DCC: variants seen among roughly 807,000 people sequenced by gnomAD.
The protein encoded by DCC is netrin receptor DCC.
A neutral mutation model predicts 172.5 loss-of-function variants in DCC; 58 were observed. The observed-to-expected ratio is 0.34, with a 90% CI of 0.27 to 0.42. The LOEUF (loss-of-function observed/expected upper bound fraction) is 0.42. Among genes scored for constraint, DCC ranks in the 10% least tolerant of loss-of-function variants. DCC has a pLI of 1.00. For missense variants in DCC, 1,740 were observed against 1,791.0 expected, an observed-to-expected ratio of 0.97 and a Z score of 0.51; for synonymous variants, 709 against 644.5, an observed-to-expected ratio of 1.10 and a Z score of -1.52.
At chr18:53,299,269 C>T (rs556192251) in intron 12 of DCC, among the ~76,000 whole-genome samples, 1 of 152,244 alleles carries the variant, frequency 6.6e-6, no homozygotes, top group African/African-American at 2.4e-5. Context: ...TAGCCAAATG[C>T]CTTAAATGAA....
At chr18:52,915,814 A>G (rs1475476613) in intron 3 of DCC, among the ~76,000 whole-genome samples, 1 of 152,112 alleles carries the variant, frequency 6.6e-6, no homozygotes, top group Non-Finnish European at 1.5e-5. Context: ...TATTTGAGAG[A>G]TACAAAACCA....
At chr18:52,698,108 G>A (rs2036043173) in intron 1 of DCC, among the ~76,000 whole-genome samples, 1 of 152,152 alleles carries the variant, frequency 6.6e-6, no homozygotes, top group Non-Finnish European at 1.5e-5. Context: ...TTGGATAAAT[G>A]ATTCCTTTTA....
chr18:52,508,280 T>C (rs959081462), intron 1 of DCC, among the ~76,000 whole-genome samples: 3 of 152,278 alleles, frequency 2.0e-5, no homozygotes, highest in African/African-American at 7.2e-5. Flanking sequence ...TTTAGTGTAG[T>C]TATAGATGTA....
chr18:52,345,585 T>C (rs1311857693), intron 1 of DCC, among the ~76,000 whole-genome samples: 1 of 152,168 alleles, frequency 6.6e-6, no homozygotes, highest in Non-Finnish European at 1.5e-5. Flanking sequence ...TTCAGCTCGT[T>C]TCTAAGGAAT....
In DCC at chr18:53,391,663, G is replaced by T; in HGVS notation, c.2464G>T (p.Asp822Tyr). Residue 822 changes from aspartate (D) to tyrosine (Y), a missense_variant, in exon 17 of 29, where the codon GAC becomes TAC. This residue lies in a region of DCC where 1,732 missense variants were observed against 1,767.4 expected (regional missense o/e 0.98). Coordinates refer to ENST00000442544, the MANE Select transcript of DCC (RefSeq NM_005215.4). ...TGGGTTTTTAAACCCAGATCCCACT[G>T]ACCCAGTTGATTATTATCCTTTGCT... is the stretch of plus-strand genomic sequence containing the variant. ...ATTRSITDPT[D>Y]PVDYYPLLDD... 2.5e-6 allele frequency: 4 copies of T among 1,612,568 alleles called. No individual in the cohort carries two copies. The highest frequency in any genetic ancestry group is 3.4e-6 in the Non-Finnish European group (4 of 1,178,768).
intron 1 of DCC, among the ~76,000 whole-genome samples, chr18:52,469,485 T>G (rs1988885354): frequency 6.6e-6 from 1 of 152,176 alleles, no homozygotes; most frequent in African/African-American, 2.4e-5. Flanking sequence ...TGTTTGAATA[T>G]TTGAATATAC....
chr18:53,275,347 T>C (rs865863120), intron 12 of DCC, among the ~76,000 whole-genome samples: 1 of 152,080 alleles, frequency 6.6e-6, no homozygotes, highest in Non-Finnish European at 1.5e-5. Context: ...CTTCTCTCAG[T>C]CATCACTGCA....
At chr18:53,134,751 C>T (rs1380393570) in intron 7 of DCC, among the ~76,000 whole-genome samples, 1 of 152,134 alleles carries the variant, frequency 6.6e-6, no homozygotes, top group Non-Finnish European at 1.5e-5. Context: ...TTTGTCCATT[C>T]ACTTGTACCT....
intron 1 of DCC, among the ~76,000 whole-genome samples, chr18:52,576,272 T>G (rs1212539450): frequency 6.6e-6 from 1 of 152,236 alleles, no homozygotes; most frequent in Non-Finnish European, 1.5e-5. Flanking sequence ...AAACTGGGAA[T>G]GGCTCTGTAC....
intron 7 of DCC, among the ~76,000 whole-genome samples, chr18:53,155,404 G>A (rs2054714173): frequency 6.6e-6 from 1 of 152,158 alleles, no homozygotes; most frequent in Non-Finnish European, 1.5e-5. Flanking sequence ...CTGTCGAGAT[G>A]AAACACGTAT....
intron 1 of DCC, among the ~76,000 whole-genome samples, chr18:52,407,329 C>T (rs190343632): frequency 6.6e-6 from 1 of 151,932 alleles, no homozygotes; most frequent in Non-Finnish European, 1.5e-5. Context: ...AACAGTAAAA[C>T]AAAAGATGAA....
intron 1 of DCC, among the ~76,000 whole-genome samples, chr18:52,615,430 A>G (rs2034361502): frequency 6.6e-6 from 1 of 152,198 alleles, no homozygotes; most frequent in African/African-American, 2.4e-5. Flanking sequence ...GAGATGTTAC[A>G]TGGAAAGAAT....
chr18:52,856,760 A>T (rs2039062803), intron 2 of DCC, among the ~76,000 whole-genome samples: 3 of 152,136 alleles, frequency 2.0e-5, no homozygotes, highest in Admixed American at 6.5e-5. Flanking sequence ...GTTTTTTGAA[A>T]AGCATGTTAA....
intron 2 of DCC, among the ~76,000 whole-genome samples, chr18:52,847,337 A>G (rs2145332177): frequency 6.6e-6 from 1 of 152,370 alleles, no homozygotes; most frequent in African/African-American, 2.4e-5. Flanking sequence ...GTGTTGGAGT[A>G]GAATCTGGAA....
At chr18:52,786,031 GCTA>G (rs1397876833) in intron 2 of DCC, among the ~76,000 whole-genome samples, 2 of 152,096 alleles carry the variant, frequency 1.3e-5, no homozygotes, top group Non-Finnish European at 2.9e-5. Context: ...GTTAGAAGGT[GCTA>G]CTGTTTATAG....
chr18:52,703,571 G>A (rs1361317961), intron 1 of DCC, among the ~76,000 whole-genome samples: 2 of 152,058 alleles, frequency 1.3e-5, no homozygotes, highest in East Asian at 1.9e-4. Flanking sequence ...TGAACAGCGA[G>A]GAAAAGTAAA....
At position 53,229,594 on chromosome 18, in the gene DCC, C is replaced by T. The variant is rs142355153; in HGVS notation, c.1911+13997C>T. Among the ~76,000 whole-genome samples, 125 of 152,098 alleles carry T rather than the reference C, an allele frequency of 8.2e-4. 1 individual carries two copies. Among genetic ancestry groups the T allele is most frequent in the Admixed American group, 1.2e-3 (18 of 15,266 alleles). ...CTGGCAGCTTGAAATTGGCCTTCTT[C>T]GGTGTATTTGCACCACAGAACTCAG... On this transcript the variant is annotated intron_variant, in intron 12 of 28. Coordinates refer to ENST00000442544, the MANE Select transcript of DCC (RefSeq NM_005215.4).
At chr18:53,080,861 G>T (rs1397938323) in intron 7 of DCC, among the ~76,000 whole-genome samples, 1 of 151,976 alleles carries the variant, frequency 6.6e-6, no homozygotes, top group Non-Finnish European at 1.5e-5. Flanking sequence ...AGTGTGACAG[G>T]GCCTTATCAT....
intron 12 of DCC, among the ~76,000 whole-genome samples, chr18:53,274,273 C>T (rs78530746): frequency 0.044 from 6,682 of 152,174 alleles, 215 homozygotes; most frequent in Non-Finnish European, 0.061. Context: ...CATGTTATAT[C>T]AATCATGTTT....
Sources: allele counts gnomAD v4.1 joint callset (sites outside exome capture counted in the v4.1 genomes callset), GRCh38; gene constraint gnomAD v4.1.1; regional missense constraint gnomAD v4.1.1; transcripts MANE v1.5; gene names NCBI Gene and HGNC (gene_info 2026-07-23, HGNC 2026-07-21).